ARHGAP17: variants seen among roughly 807,000 people sequenced by gnomAD.
ARHGAP17 encodes rho GTPase-activating protein 17.
Under a neutral mutation model 99.5 loss-of-function variants are expected in ARHGAP17, and 57 were observed. The observed-to-expected ratio is 0.57, with a 90% CI of 0.46 to 0.71. ARHGAP17 has a LOEUF of 0.71. Among genes scored for constraint, ARHGAP17 ranks in the 30% least tolerant of loss-of-function variants. The pLI, the probability that ARHGAP17 is intolerant of heterozygous loss-of-function variation, is 0.00. For missense variants in ARHGAP17, 1,000 were observed against 1,122.4 expected, an observed-to-expected ratio of 0.89 and a Z score of 1.56; for synonymous variants, 417 against 429.6, an observed-to-expected ratio of 0.97 and a Z score of 0.36.
chr16:24,955,841 G>A lies in ARHGAP17; in HGVS notation c.725-1111C>T, dbSNP rs1284945070. On this transcript the variant is annotated intron_variant, in intron 9 of 19. Transcript: ENST00000289968. The surrounding 1 kb of genome is among the most constrained non-coding windows in gnomAD (Gnocchi z 4.0). ...CACAAATCCATAGAACCGAGAGCTT[G>A]TGGAAAGGTAAAAATGGATGGAAAG... The A allele has an allele frequency of 6.6e-6, 1 of 152,210 alleles. No individual in the cohort carries two copies. Among genetic ancestry groups the A allele is most frequent in the Non-Finnish European group, 1.5e-5 (1 of 68,068 alleles). The allele number at this position is 152,210 out of a possible 1,614,324, so 9.4% of individuals were successfully genotyped here.
At chr16:24,957,372 C>T (rs1231217593) in intron 9 of ARHGAP17, 1 of 152,088 alleles carries the variant, frequency 6.6e-6, no homozygotes, top group Non-Finnish European at 1.5e-5. Context: ...AAGGGGATTT[C>T]TAGGGAAAAG....
intron 19 of ARHGAP17, chr16:24,921,041 G>T (rs996692425): frequency 6.6e-6 from 1 of 152,238 alleles, no homozygotes; most frequent in African/African-American, 2.4e-5. Flanking sequence ...TCATGCTGTT[G>T]TCCCCCTCTC....
At chr16:24,969,568 T>A (rs1484665478) in intron 4 of ARHGAP17, among the ~76,000 whole-genome samples, 1 of 152,254 alleles carries the variant, frequency 6.6e-6, no homozygotes, top group Non-Finnish European at 1.5e-5. Context: ...AACATGGTTC[T>A]AAGTGCTGAT....
chr16:24,982,144 C>T (rs1017238685), intron 1 of ARHGAP17, among the ~76,000 whole-genome samples: 3 of 151,528 alleles, frequency 2.0e-5, no homozygotes, highest in Admixed American at 6.6e-5. Context: ...TGGCTCACGC[C>T]TATAATCCCA....
At chr16:24,997,095 T>C (rs2053215242) in intron 1 of ARHGAP17, among the ~76,000 whole-genome samples, 1 of 152,206 alleles carries the variant, frequency 6.6e-6, no homozygotes. Context: ...AGGTGCCCAG[T>C]ACACATCCAG....
intron 1 of ARHGAP17, among the ~76,000 whole-genome samples, chr16:25,010,837 T>C (rs917660792): frequency 6.6e-6 from 1 of 152,246 alleles, no homozygotes; most frequent in Non-Finnish European, 1.5e-5. Flanking sequence ...CCCAAAGCAC[T>C]GATTCATTTT....
intron 12 of ARHGAP17, among the ~76,000 whole-genome samples, chr16:24,951,054 G>A (rs1366339329): frequency 6.6e-6 from 1 of 152,064 alleles, no homozygotes. Context: ...GTGAGGAGTA[G>A]GCACTCTGGA....
intron 1 of ARHGAP17, among the ~76,000 whole-genome samples, chr16:25,013,368 G>C (rs996093524): frequency 6.6e-6 from 1 of 152,156 alleles, no homozygotes; most frequent in African/African-American, 2.4e-5. Flanking sequence ...CACGCTTGTA[G>C]TCCCAGAACT....
chr16:24,954,761 C>CAACA (rs2051756285), intron 9 of ARHGAP17, 31 bp from the exon 10 acceptor site: 11 of 1,609,806 alleles, frequency 6.8e-6, no homozygotes, highest in Non-Finnish European at 8.5e-6. Context: ...GTTAGACACC[C>CAACA]AACAAACTCA....
At position 24,974,272 on chromosome 16, in the gene ARHGAP17, A is replaced by G. The variant is rs1330886228; in HGVS notation, c.198+2943T>C. 3.3e-5 allele frequency among the ~76,000 whole-genome samples: 5 copies of G among 152,310 alleles called. No individual in the cohort carries two copies. In the East Asian group the frequency reaches 7.7e-4, roughly 23 times the overall value. ...ATGGTGAAATCCTGTCTCTACTAAA[A>G]ATACAAAAATTAGCCAGGCTTGGTG... is the stretch of plus-strand genomic sequence containing the variant. On this transcript the variant is annotated intron_variant, in intron 3 of 19. Transcript: ENST00000289968.
intron 1 of ARHGAP17, among the ~76,000 whole-genome samples, chr16:25,000,935 TGAG>T (rs1423903437): frequency 2.0e-5 from 3 of 152,118 alleles, no homozygotes; most frequent in Admixed American, 1.3e-4. Flanking sequence ...GGTTCGAAAA[TGAG>T]GAGAACGTTG....
chr16:24,995,883 A>G (rs1046552208), intron 1 of ARHGAP17, among the ~76,000 whole-genome samples: 29 of 152,252 alleles, frequency 1.9e-4, no homozygotes, highest in African/African-American at 7.0e-4. Flanking sequence ...TTCTCTATAG[A>G]CCAACTTTTT....
chr16:25,011,866 T>C (rs913774516), intron 1 of ARHGAP17, among the ~76,000 whole-genome samples: 2 of 152,102 alleles, frequency 1.3e-5, no homozygotes, highest in Non-Finnish European at 2.9e-5. Context: ...ATATTTGAAA[T>C]AAGGGCTTGA....
intron 19 of ARHGAP17, chr16:24,929,577 G>A (rs1324622146): frequency 5.1e-6 from 5 of 987,082 alleles, no homozygotes; most frequent in African/African-American, 1.7e-5. Flanking sequence ...GCTGTGGGGC[G>A]AGCTATGGGG....
intron 19 of ARHGAP17, among the ~76,000 whole-genome samples, chr16:24,928,389 AAT>A (rs2050895543): frequency 6.6e-6 from 1 of 152,214 alleles, no homozygotes; most frequent in Non-Finnish European, 1.5e-5. Context: ...TTTAATGTAA[AAT>A]TTCACTTATC....
intron 19 of ARHGAP17, among the ~76,000 whole-genome samples, chr16:24,921,364 G>T (rs919023009): frequency 2.6e-5 from 4 of 152,356 alleles, no homozygotes; most frequent in Middle Eastern, 3.4e-3. Flanking sequence ...AGGTAGCCAT[G>T]GCAGGCAGCA....
At position 24,963,558 on chromosome 16, in the gene ARHGAP17, T is replaced by G. The variant is rs192816112; in HGVS notation, c.573+639A>C. 7.2e-4 allele frequency among the ~76,000 whole-genome samples: 109 copies of G among 152,314 alleles called. 1 individual carries two copies. The highest frequency in any genetic ancestry group is 1.1e-3 in the Non-Finnish European group (78 of 68,012). ...ATTGTCAAGACTCCCCGAAGACCTA[T>G]TCCTTTACCATTTCAAATAATTTCA... On this transcript the variant is annotated intron_variant, in intron 7 of 19. Transcript: ENST00000289968.
chr16:24,931,495 T>A (rs2050991454), intron 18 of ARHGAP17, 91 bp from the exon 19 acceptor site: 3 of 1,306,136 alleles, frequency 2.3e-6, no homozygotes. Context: ...TCACCAGTAA[T>A]AAGGTACACC....
intron 14 of ARHGAP17, 42 bp downstream of exon 14, chr16:24,947,440 G>A: frequency 6.6e-7 from 1 of 1,524,216 alleles, no homozygotes; most frequent in Non-Finnish European, 9.1e-7. Context: ...CCCATCAGGT[G>A]GGAAAGAAGA....
Sources: gnomAD v4.1 joint callset for allele counts (sites outside exome capture counted in the v4.1 genomes callset) on GRCh38, gnomAD v4.1.1 for gene constraint, Gnocchi (gnomAD v3.1) non-coding constraint, MANE v1.5 for transcripts, NCBI Gene and HGNC (gene_info 2026-07-23, HGNC 2026-07-21) for gene names.